AGT: variants seen among roughly 807,000 people sequenced by gnomAD.
The protein encoded by AGT is alpha-1 antiproteinase, antitrypsin.
Under a neutral mutation model 28.1 loss-of-function variants are expected in AGT, and 26 were observed. The ratio of observed to expected loss-of-function variants is 0.92; its 90% CI spans 0.68 to 1.28. AGT has a LOEUF of 1.28. AGT is among the 50% of genes most tolerant of loss of function. AGT has a pLI of 0.00. For synonymous variants in AGT, 259 were observed against 259.6 expected, an observed-to-expected ratio of 1.00 and a Z score of 0.02; for missense variants, 596 against 592.3, an observed-to-expected ratio of 1.01 and a Z score of -0.06.
In AGT at chr1:230,704,462, C is replaced by T. The variant is rs182503876; in HGVS notation, c.1098-125G>A. On this transcript the variant is annotated intron_variant, in intron 3 of 4. Transcript: ENST00000366667. ...CAGGGATGTTTGCTCCCCCCATCAC[C>T]CAACTAAGTCATCCTCCCCCTTGGG... 9.4e-6 allele frequency: 12 copies of T among 1,282,604 alleles called. No individual in the cohort carries two copies. The Admixed American group carries it at 2.4e-4, about 26-fold the overall frequency. The allele number at this position is 1,282,604 out of a possible 1,614,324, so 79.5% of individuals were successfully genotyped here. A position where few individuals can be genotyped will look rare whatever the true frequency, so the allele number is the denominator to read the frequency against.
rs1274510294 is a variant in AGT at position 230,728,121 on chromosome 1, A to G, written c.-30-17268T>C. Among the ~76,000 whole-genome samples, 8 of 152,176 alleles carry G rather than the reference A, an allele frequency of 5.3e-5. 1 individual carries two copies. Among genetic ancestry groups the G allele is most frequent in the Non-Finnish European group, 1.2e-4 (8 of 68,036 alleles). ...TGCTGAGCCTGCTTCTAGGTCAGGGACCACAGGTAGGGGTCGTGGGTCCAG... is the reference window on the plus strand; with the variant it reads ...TGCTGAGCCTGCTTCTAGGTCAGGGGCCACAGGTAGGGGTCGTGGGTCCAG... On this transcript the variant is annotated intron_variant, in intron 1 of 4. Transcript: ENST00000681269.
chr1:230,739,292 C>T (rs1270485792), intron 1 of AGT, among the ~76,000 whole-genome samples: 2 of 151,452 alleles, frequency 1.3e-5, no homozygotes, highest in East Asian at 3.9e-4. Flanking sequence ...GAGTTGGAAG[C>T]CACAGTGAGC....
upstream of AGT, among the ~76,000 whole-genome samples, chr1:230,718,722 C>CCTTT (rs1407068888): frequency 4.2e-5 from 5 of 118,452 alleles, no homozygotes; most frequent in East Asian, 1.1e-3. Context: ...TTCCACACCG[C>CCTTT]TTTTTTTTTT....
intron 1 of AGT, among the ~76,000 whole-genome samples, chr1:230,726,532 C>T (rs1298992095): frequency 1.3e-5 from 2 of 152,018 alleles, no homozygotes; most frequent in South Asian, 2.1e-4. Context: ...TAAGATGTCA[C>T]TCTACTGGCT....
chr1:230,710,030 C>T lies in AGT; in HGVS notation c.794G>A (p.Ser265Asn). The change falls in exon 2 of 5, where the codon AGC becomes AAC. Residue 265 changes from serine (S) to asparagine (N), a missense_variant. Physicochemically the swap from Ser to Asn is conservative, Grantham distance 46. Coordinates refer to ENST00000366667, the MANE Select transcript of AGT (RefSeq NM_001384479.1). Reference protein sequence around the residue: ...GCSLMGASVDSTLAFNTYVHF... With the variant: ...GCSLMGASVDNTLAFNTYVHF... Reference sequence around the variant, plus strand: ...GACGTAGGTGTTGAAAGCCAGGGTGCTGTCCACACTGGCTCCCATCAGGGA... The same window carrying T: ...GACGTAGGTGTTGAAAGCCAGGGTGTTGTCCACACTGGCTCCCATCAGGGA... 1.9e-6 allele frequency: 3 copies of T among 1,614,136 alleles called. No individual in the cohort carries two copies. Among genetic ancestry groups the T allele is most frequent in the Non-Finnish European group, 2.5e-6 (3 of 1,180,008 alleles).
chr1:230,735,247 G>A (rs1009882141), intron 1 of AGT, among the ~76,000 whole-genome samples: 5 of 152,008 alleles, frequency 3.3e-5, no homozygotes, highest in Admixed American at 2.0e-4. Flanking sequence ...ATCTCGCCCC[G>A]ACTGCAGCGG....
At chr1:230,711,978 C>A (rs1479489393) in intron 1 of AGT, among the ~76,000 whole-genome samples, 4 of 152,156 alleles carry the variant, frequency 2.6e-5, no homozygotes, top group Admixed American at 2.6e-4. Context: ...CCTGAGACCC[C>A]CAGAAGAGGT....
intron 1 of AGT, among the ~76,000 whole-genome samples, chr1:230,729,403 T>C (rs970327098): frequency 4.6e-5 from 7 of 152,244 alleles, no homozygotes; most frequent in African/African-American, 1.7e-4. Context: ...TCTCAGAGCA[T>C]TTACCTTAGA....
chr1:230,712,809 A>T (rs563199551), intron 1 of AGT, among the ~76,000 whole-genome samples: 1 of 152,148 alleles, frequency 6.6e-6, no homozygotes, highest in Non-Finnish European at 1.5e-5. Flanking sequence ...GCGTCCTGGG[A>T]GTAATGGTGC....
chr1:230,712,738 G>A (rs1040819402), intron 1 of AGT, among the ~76,000 whole-genome samples: 10 of 152,196 alleles, frequency 6.6e-5, no homozygotes, highest in African/African-American at 1.2e-4. Context: ...AGAGACTGTC[G>A]TTTGTTCTCA....
intron 1 of AGT, among the ~76,000 whole-genome samples, chr1:230,727,252 C>T (rs1326889): frequency 0.66 from 99,688 of 152,052 alleles, 35,098 homozygotes; most frequent in East Asian, 0.91. Flanking sequence ...CATTAATGAC[C>T]CCACTCTTGT....
upstream of AGT, among the ~76,000 whole-genome samples, chr1:230,719,383 T>TTATTATTATTATTATTATTATTATTA (rs1159358719): frequency 1.4e-5 from 2 of 147,730 alleles, no homozygotes; most frequent in African/African-American, 5.1e-5. Flanking sequence ...CTTTCTATTT[T>TTATTATTATTATTATTATTATTATTA]TTATTATTAT....
chr1:230,742,574 C>T (rs1310397690), intron 1 of AGT, among the ~76,000 whole-genome samples: 1 of 152,224 alleles, frequency 6.6e-6, no homozygotes, highest in African/African-American at 2.4e-5. Flanking sequence ...CTTAGCCTCC[C>T]AAAGTGCTGG....
chr1:230,720,858 C>G (rs894781600), intron 1 of AGT, among the ~76,000 whole-genome samples: 10 of 152,360 alleles, frequency 6.6e-5, no homozygotes, highest in South Asian at 4.1e-4. Context: ...ATCCCCTCCC[C>G]ACTGAAAGCT....
chr1:230,724,941 T>A (rs929910155), intron 1 of AGT, among the ~76,000 whole-genome samples: 1 of 152,186 alleles, frequency 6.6e-6, no homozygotes, highest in Non-Finnish European at 1.5e-5. Context: ...ACTTTGGATC[T>A]GGCCATAAAA....
At chr1:230,705,060 C>T (rs955313484) in intron 3 of AGT, among the ~76,000 whole-genome samples, 2 of 152,066 alleles carry the variant, frequency 1.3e-5, no homozygotes, top group Non-Finnish European at 2.9e-5. Context: ...GGGTGAACCT[C>T]GAGGACATCG....
intron 2 of AGT, among the ~76,000 whole-genome samples, chr1:230,709,119 G>A (rs1311218044): frequency 6.6e-6 from 1 of 152,184 alleles, no homozygotes; most frequent in African/African-American, 2.4e-5. Context: ...TGTGGAGCAC[G>A]TTTCCCTGCA....
chr1:230,738,685 G>A (rs751978028), intron 1 of AGT, among the ~76,000 whole-genome samples: 5 of 152,130 alleles, frequency 3.3e-5, no homozygotes, highest in Non-Finnish European at 7.4e-5. Flanking sequence ...ATAAGAATCA[G>A]AAAATGGTGC....
chr1:230,710,942 CCT>C lies in AGT; in HGVS notation c.-30-91_-30-90del. ...CAGATCTTTCATTGTCTCAATATTC[CCT>C]GTCACCATTTAGCCCAGAATAAATC... is the stretch of plus-strand genomic sequence containing the variant. On this transcript the variant is annotated intron_variant, in intron 1 of 4. Transcript: ENST00000366667. 6 of 1,484,640 alleles carry C rather than the reference CCT, an allele frequency of 4.0e-6. No homozygotes were observed. In the South Asian group the frequency reaches 4.6e-5, roughly 11 times the overall value. 92.0% of individuals were successfully genotyped at this position (1,484,640 alleles called of 1,614,324 possible).
Sources: gnomAD v4.1 joint callset for allele counts (sites outside exome capture counted in the v4.1 genomes callset) on GRCh38, gnomAD v4.1.1 for gene constraint, MANE v1.5 for transcripts, NCBI Gene and HGNC (gene_info 2026-07-23, HGNC 2026-07-21) for gene names.